DENND2A: variants seen among roughly 807,000 people sequenced by gnomAD.
The protein encoded by DENND2A is DENN domain-containing protein 2A.
In DENND2A, 53 loss-of-function variants were observed where a neutral mutation model predicts 105.3. The observed-to-expected ratio is 0.50, with a 90% confidence interval of 0.40 to 0.63. The LOEUF is 0.63. Ranked by LOEUF, DENND2A falls within the 30% of genes least tolerant of loss-of-function variation. The pLI, the probability that DENND2A is intolerant of heterozygous loss-of-function variation, is 0.00. For missense variants in DENND2A, 1,138 were observed against 1,279.6 expected (o/e 0.89, Z 1.69); for synonymous variants, 522 against 508.4 (o/e 1.03, Z -0.36).
intron 14 of DENND2A, among the ~76,000 whole-genome samples, chr7:140,543,318 G>T (rs1796755514): frequency 1.4e-5 from 2 of 140,944 alleles, no homozygotes. Flanking sequence ...GTTTTTTGTA[G>T]AGATGGGGGT....
intron 12 of DENND2A, among the ~76,000 whole-genome samples, chr7:140,555,011 A>C (rs1797299089): frequency 6.6e-6 from 1 of 152,194 alleles, no homozygotes; most frequent in African/African-American, 2.4e-5. Flanking sequence ...GGCAATTCTC[A>C]GAAGAAGAAA....
rs374438671 is a variant in DENND2A, at chr7:140,623,932, T to G, written c.-248+16572A>C. 5.6e-4 allele frequency among the ~76,000 whole-genome samples: 86 copies of G among 152,304 alleles called. 2 individuals carry two copies. The East Asian group carries it at 0.014, about 25-fold the overall frequency. ...TGGGAAATTAAAAATAAATGGCAGG[T>G]ATACCTTCTTCAGTTCTTGTTTGGA... On this transcript the variant is annotated intron_variant, in intron 1 of 19. Coordinates refer to ENST00000496613, the MANE Select transcript of DENND2A (RefSeq NM_015689.5).
intron 1 of DENND2A, among the ~76,000 whole-genome samples, chr7:140,613,694 C>T (rs1353643698): frequency 1.4e-5 from 2 of 147,272 alleles, no homozygotes; most frequent in African/African-American, 5.3e-5. Flanking sequence ...AAACAAAAAA[C>T]TACAGCTTAG....
At chr7:140,571,094 T>A (rs1798075844) in intron 6 of DENND2A, among the ~76,000 whole-genome samples, 1 of 152,210 alleles carries the variant, frequency 6.6e-6, no homozygotes, top group Admixed American at 6.5e-5. Context: ...TATAACACTT[T>A]TATCTGTATA....
At chr7:140,553,724 ATC>A (rs1281806442) in intron 12 of DENND2A, among the ~76,000 whole-genome samples, 2 of 152,224 alleles carry the variant, frequency 1.3e-5, no homozygotes, top group Non-Finnish European at 2.9e-5. Flanking sequence ...GCCTTCAAGC[ATC>A]TGTTTAACAA....
chr7:140,601,235 A>G (rs139968401), intron 3 of DENND2A, among the ~76,000 whole-genome samples, 168 bp downstream of exon 3: 71 of 152,360 alleles, frequency 4.7e-4, no homozygotes, highest in Middle Eastern at 6.8e-3. Context: ...TCAGTTACCA[A>G]GTTTCCAGGT....
chr7:140,555,063 C>T (rs2130555332), intron 12 of DENND2A, among the ~76,000 whole-genome samples: 1 of 152,028 alleles, frequency 6.6e-6, no homozygotes. Context: ...TTCCACCCCT[C>T]CCTTTCTCAA....
intron 1 of DENND2A, among the ~76,000 whole-genome samples, chr7:140,633,185 T>G (rs1470791166): frequency 6.6e-6 from 1 of 152,136 alleles, no homozygotes; most frequent in African/African-American, 2.4e-5. Context: ...CCTGCCACCA[T>G]GCCCGACTAA....
intron 11 of DENND2A, among the ~76,000 whole-genome samples, chr7:140,556,099 C>T (rs1797354181): frequency 6.6e-6 from 1 of 152,086 alleles, no homozygotes; most frequent in African/African-American, 2.4e-5. Context: ...CTCACTGCAA[C>T]CTCCAGCTCC....
At chr7:140,610,973 C>T (rs1162236696) in intron 1 of DENND2A, among the ~76,000 whole-genome samples, 1 of 152,232 alleles carries the variant, frequency 6.6e-6, no homozygotes, top group African/African-American at 2.4e-5. Context: ...GGGCTAGGAG[C>T]CCAGCAAGAC....
intron 1 of DENND2A, among the ~76,000 whole-genome samples, chr7:140,636,900 G>A (rs1044546963): frequency 4.0e-5 from 6 of 151,812 alleles, no homozygotes; most frequent in African/African-American, 7.3e-5. Context: ...TTGCTCTGTC[G>A]CCCAGGCTGG....
chr7:140,633,015 C>T (rs1177063438), intron 1 of DENND2A, among the ~76,000 whole-genome samples: 2 of 151,518 alleles, frequency 1.3e-5, no homozygotes, highest in East Asian at 3.9e-4. Context: ...GCGTGTGCCA[C>T]CATGCCCAGC....
In DENND2A at chr7:140,555,622, G is replaced by A. The variant is rs1190555667; in HGVS notation, c.2037+14C>T. 6.2e-7 allele frequency: 1 copy of A among 1,611,246 alleles called. No homozygotes were observed. Among genetic ancestry groups the A allele is most frequent in the Non-Finnish European group, 8.5e-7 (1 of 1,178,956 alleles). Reference sequence around the variant, plus strand: ...TTCCTTCCCTTCCTCTTTCTCTGAGGTCCAAGTTCTCACCCTTGAAAAGAG... The same window carrying A: ...TTCCTTCCCTTCCTCTTTCTCTGAGATCCAAGTTCTCACCCTTGAAAAGAG... On this transcript the variant is annotated intron_variant, in intron 12 of 19. Transcript: ENST00000496613.
chr7:140,529,201 A>G (rs1174018499), intron 14 of DENND2A, among the ~76,000 whole-genome samples: 1 of 151,986 alleles, frequency 6.6e-6, no homozygotes, highest in Non-Finnish European at 1.5e-5. Context: ...GCTGACGCCT[A>G]TAATCATAGC....
intron 8 of DENND2A, among the ~76,000 whole-genome samples, chr7:140,568,424 G>T (rs1273688283): frequency 6.6e-6 from 1 of 152,310 alleles, no homozygotes; most frequent in African/African-American, 2.4e-5. Flanking sequence ...AGTAATTTGA[G>T]CAGAAGTGGG....
intron 9 of DENND2A, among the ~76,000 whole-genome samples, chr7:140,561,857 T>C (rs1016396746): frequency 5.9e-5 from 9 of 151,908 alleles, no homozygotes; most frequent in African/African-American, 2.2e-4. Flanking sequence ...AATTTCTTTG[T>C]TTCCAATAGC....
chr7:140,518,635 A>C lies in DENND2A; in HGVS notation c.*72T>G, dbSNP rs1195421747. The C allele has an allele frequency of 2.0e-6, 3 of 1,523,164 alleles. No individual in the cohort carries two copies. In the East Asian group the frequency reaches 6.8e-5, roughly 34 times the overall value. 94.4% of individuals were successfully genotyped at this position (1,523,164 alleles called of 1,614,324 possible). A position where few individuals can be genotyped will look rare whatever the true frequency, so the allele number is the denominator to read the frequency against. ...GTGACAACCTGGGACCCAGCCTTTC[A>C]GAAAGGCCACCAGGAACTGTTTTTA... is the stretch of plus-strand genomic sequence containing the variant. On this transcript the variant is annotated 3_prime_UTR_variant, in exon 20 of 20. Transcript: ENST00000496613.
chr7:140,544,797 G>A (rs1414126206), intron 13 of DENND2A, 31 bp from the exon 14 acceptor site: 3 of 1,555,616 alleles, frequency 1.9e-6, no homozygotes, highest in Non-Finnish European at 1.7e-6. Flanking sequence ...CCATGAAGGA[G>A]GGGCCCAGCT....
intron 7 of DENND2A, 146 bp downstream of exon 7, chr7:140,569,499 A>G: frequency 8.7e-6 from 6 of 686,626 alleles, no homozygotes; most frequent in Non-Finnish European, 1.6e-5. Context: ...CAGCCCCACC[A>G]CTGTCCCAAA....
Sources: allele counts gnomAD v4.1 joint callset (sites outside exome capture counted in the v4.1 genomes callset), GRCh38; gene constraint gnomAD v4.1.1; transcripts MANE v1.5; gene names NCBI Gene and HGNC (gene_info 2026-07-23, HGNC 2026-07-21).